Variants in MYO1E observed in about 807,000 individuals in gnomAD.
MYO1E encodes the protein myosin IE, also known as unconventional myosin-Ie.
Under a neutral mutation model 151.1 loss-of-function variants are expected in MYO1E, and 68 were observed. That is an observed-to-expected ratio of 0.45 (90% confidence interval 0.37 to 0.55). MYO1E has a LOEUF of 0.55. Among genes scored for constraint, MYO1E ranks in the 20% least tolerant of loss-of-function variants. MYO1E has a pLI of 0.00. For synonymous variants in MYO1E, 601 were observed against 501.7 expected, an observed-to-expected ratio of 1.20 and a Z score of -2.64; for missense variants, 1,363 against 1,389.3, an observed-to-expected ratio of 0.98 and a Z score of 0.30.
intron 26 of MYO1E, among the ~76,000 whole-genome samples, chr15:59,147,926 C>A (rs1713232701): frequency 6.6e-6 from 1 of 152,174 alleles, no homozygotes; most frequent in Admixed American, 6.5e-5. Context: ...CAGCTCTAGG[C>A]AGGCCAGAGA....
intron 1 of MYO1E, among the ~76,000 whole-genome samples, chr15:59,341,679 G>C (rs776862474): frequency 6.6e-6 from 1 of 151,996 alleles, no homozygotes; most frequent in South Asian, 2.1e-4. Flanking sequence ...CAAATGACAG[G>C]GTTTCATTCT....
intron 22 of MYO1E, chr15:59,171,038 G>C (rs1018621428): frequency 6.4e-6 from 1 of 155,324 alleles, no homozygotes; most frequent in East Asian, 1.9e-4. Flanking sequence ...CCAGGGACAC[G>C]ATTCTTGGAG....
At chr15:59,202,240 T>G (rs1477432963) in intron 16 of MYO1E, 86 bp downstream of exon 16, 18 of 1,173,700 alleles carry the variant, frequency 1.5e-5, no homozygotes, top group African/African-American at 7.5e-5. Flanking sequence ...CTCACTGACC[T>G]CATCCTGGCC....
rs535393183 is a variant in MYO1E, at chr15:59,300,333, C to T, written c.4-27884G>A. Among the ~76,000 whole-genome samples the T allele has an allele frequency of 3.9e-5, 6 of 152,148 alleles. 1 individual carries two copies. The highest frequency in any genetic ancestry group is 4.1e-4 in the South Asian group (2 of 4,820). On this transcript the variant is annotated intron_variant, in intron 1 of 27. Transcript: ENST00000288235. ...ACACACAGACACACACACACACGCA[C>T]GGTCATTTCTGGTGCACACAGGCAC...
intron 1 of MYO1E, among the ~76,000 whole-genome samples, chr15:59,282,559 T>C (rs1596399232): frequency 1.3e-5 from 2 of 152,014 alleles, no homozygotes; most frequent in South Asian, 4.2e-4. Flanking sequence ...AAAAGTCCCT[T>C]TGAAGACCAG....
chr15:59,229,337 T>C (rs1032439557), intron 6 of MYO1E, among the ~76,000 whole-genome samples: 1 of 152,262 alleles, frequency 6.6e-6, no homozygotes, highest in Non-Finnish European at 1.5e-5. Flanking sequence ...CGGAGCTGTG[T>C]GGTTTTCAAA....
chr15:59,317,738 G>A (rs1270872871), intron 1 of MYO1E, among the ~76,000 whole-genome samples: 2 of 152,180 alleles, frequency 1.3e-5, no homozygotes, highest in East Asian at 1.9e-4. Context: ...GGCTTGTCAG[G>A]GCCTAGGGGT....
At chr15:59,278,815 G>C (rs1006237505) in intron 1 of MYO1E, among the ~76,000 whole-genome samples, 1 of 152,092 alleles carries the variant, frequency 6.6e-6, no homozygotes, top group Non-Finnish European at 1.5e-5. Flanking sequence ...CCAGAAATAC[G>C]TGCCAATGCT....
intron 26 of MYO1E, among the ~76,000 whole-genome samples, chr15:59,153,091 C>A (rs1350539893): frequency 6.6e-6 from 1 of 152,192 alleles, no homozygotes; most frequent in Non-Finnish European, 1.5e-5. Context: ...GCTGGGTTCT[C>A]TTCACCACTC....
At chr15:59,242,982 C>G (rs2140361792) in intron 4 of MYO1E, among the ~76,000 whole-genome samples, 1 of 151,956 alleles carries the variant, frequency 6.6e-6, no homozygotes, top group East Asian at 1.9e-4. Flanking sequence ...CACAGAGAAG[C>G]AGGAAGATGC....
At chr15:59,154,010 T>C (rs1458456643) in intron 25 of MYO1E, among the ~76,000 whole-genome samples, 1 of 152,214 alleles carries the variant, frequency 6.6e-6, no homozygotes, top group Non-Finnish European at 1.5e-5. Context: ...GAGGTATAAC[T>C]GACAAATAAA....
intron 1 of MYO1E, among the ~76,000 whole-genome samples, chr15:59,300,866 C>CTTTTTTTTTTTTTTTTTT (rs58955743): frequency 2.4e-5 from 3 of 127,122 alleles, no homozygotes; most frequent in Non-Finnish European, 3.3e-5. Context: ...CCTTTTTTTT[C>CTTTTTTTTTTTTTTTTTT]TTTTTTTTTT....
chr15:59,352,542 T>C (rs2080829021), intron 1 of MYO1E, among the ~76,000 whole-genome samples: 1 of 152,196 alleles, frequency 6.6e-6, no homozygotes, highest in Non-Finnish European at 1.5e-5. Context: ...AGACCTTAGA[T>C]TCAGATGACC....
Position 59,178,551 on chromosome 15 carries a change from G to C in MYO1E, c.1905-14C>G. ...AGAATGGCATACCTGTGGGGACATT[G>C]GGGAGAAGAGAATCACACTTGGGCG... is the stretch of plus-strand genomic sequence containing the variant. On this transcript the variant is annotated splice_polypyrimidine_tract_variant and intron_variant, in intron 18 of 27. Transcript: ENST00000288235. The C allele has an allele frequency of 1.9e-6, 3 of 1,613,534 alleles. No individual in the cohort carries two copies. Among genetic ancestry groups the C allele is most frequent in the Non-Finnish European group, 2.5e-6 (3 of 1,179,594 alleles).
chr15:59,134,553 T>TCTGTCTCTCTCTCTTCTACAACTAAAGC lies in MYO1E; in HGVS notation c.*2799_*2826dup, dbSNP rs2079361518. On this transcript the variant is annotated 3_prime_UTR_variant, in exon 28 of 28. Transcript: ENST00000288235. ...AGTGGATACCACCCTTATACAGACC[T>TCTGTCTCTCTCTCTTCTACAACTAAAGC]CTGTCTCTCTCTCTTCTACAACTAA... 1 of 152,178 alleles carries TCTGTCTCTCTCTCTTCTACAACTAAAGC rather than the reference T, an allele frequency of 6.6e-6. No homozygotes were observed. Among genetic ancestry groups the TCTGTCTCTCTCTCTTCTACAACTAAAGC allele is most frequent in the South Asian group, 2.1e-4 (1 of 4,830 alleles). 9.4% of individuals were successfully genotyped at this position (152,178 alleles called of 1,614,324 possible).
rs1165541549 is a variant in MYO1E, at chr15:59,167,843, A to AT, written c.2480+4053dup. 3.9e-5 allele frequency among the ~76,000 whole-genome samples: 6 copies of AT among 151,900 alleles called. No homozygotes were observed. In the East Asian group the frequency reaches 9.7e-4, roughly 24 times the overall value. ...AGGCACACACCACCATGCTCAACTA[A>AT]TTTTTTTGTATTTTTAGTAGAGAGG... On this transcript the variant is annotated intron_variant, in intron 22 of 27. Transcript: ENST00000288235.
intron 1 of MYO1E, among the ~76,000 whole-genome samples, chr15:59,309,541 G>A (rs2080536897): frequency 6.6e-6 from 1 of 152,192 alleles, no homozygotes; most frequent in Non-Finnish European, 1.5e-5. Flanking sequence ...AAGAATTTTT[G>A]AGTCTCCCTG....
chr15:59,210,661 A>G (rs1193339043), intron 12 of MYO1E, 61 bp from the exon 13 acceptor site: 21 of 1,231,728 alleles, frequency 1.7e-5, no homozygotes, highest in Non-Finnish European at 2.4e-5. Flanking sequence ...CTGCACGGAC[A>G]GACCCTGAAT....
At chr15:59,190,163 G>A (rs1232254890) in intron 17 of MYO1E, among the ~76,000 whole-genome samples, 3 of 152,210 alleles carry the variant, frequency 2.0e-5, no homozygotes, top group Non-Finnish European at 2.9e-5. Flanking sequence ...CGTGCTGCGC[G>A]AGCTGGCTGA....
Sources: allele counts gnomAD v4.1 joint callset (sites outside exome capture counted in the v4.1 genomes callset), GRCh38; gene constraint gnomAD v4.1.1; transcripts MANE v1.5; gene names NCBI Gene and HGNC (gene_info 2026-07-23, HGNC 2026-07-21).